The following DOCK11 variants were observed in gnomAD, a reference collection of about 807,000 sequenced individuals.
DOCK11 encodes the protein dedicator of cytokinesis 11.
In DOCK11, 70 loss-of-function variants were observed where a neutral mutation model predicts 169.1. The ratio of observed to expected loss-of-function variants is 0.41; its 90% CI spans 0.34 to 0.51. DOCK11 has a LOEUF of 0.51. DOCK11 is among the 20% of genes least tolerant of loss of function. The pLI, the probability that DOCK11 is intolerant of heterozygous loss-of-function variation, is 0.10. For missense variants in DOCK11, 1,166 were observed against 1,538.8 expected, an observed-to-expected ratio of 0.76 and a Z score of 4.05; for synonymous variants, 529 against 541.3, an observed-to-expected ratio of 0.98 and a Z score of 0.32.
intron 1 of DOCK11, among the ~76,000 whole-genome samples, chrX:118,522,565 A>G (rs1285243716): frequency 5.4e-5 from 6 of 112,002 alleles, no homozygotes; most frequent in Admixed American, 9.4e-5. Flanking sequence ...AGATAGCACA[A>G]TTTGGTTCCT....
intron 6 of DOCK11, among the ~76,000 whole-genome samples, chrX:118,552,034 T>A (rs2012511529): frequency 6.4e-5 from 1 of 15,651 alleles, no homozygotes; most frequent in Non-Finnish European, 1.0e-4. Flanking sequence ...CGACACTCTG[T>A]CTCAAAAAAA....
intron 45 of DOCK11, among the ~76,000 whole-genome samples, chrX:118,669,497 A>G (rs187599509): frequency 9.0e-6 from 1 of 111,684 alleles, no homozygotes; most frequent in Non-Finnish European, 1.9e-5. Context: ...CATAGATGGT[A>G]TCTTCTCACT....
intron 23 of DOCK11, among the ~76,000 whole-genome samples, chrX:118,603,436 G>C (rs903304709): frequency 8.9e-5 from 10 of 112,164 alleles, no homozygotes; most frequent in African/African-American, 3.2e-4. Flanking sequence ...AATTACAGAG[G>C]ACTGCTACTG....
At chrX:118,549,592 C>T (rs976596513) in intron 6 of DOCK11, among the ~76,000 whole-genome samples, 4 of 111,486 alleles carry the variant, frequency 3.6e-5, no homozygotes, top group African/African-American at 6.5e-5. Flanking sequence ...CTCACTGTGT[C>T]GCCCAGGCTG....
intron 28 of DOCK11, among the ~76,000 whole-genome samples, chrX:118,613,821 GTCTC>G (rs757060392): frequency 1.6e-3 from 178 of 111,437 alleles, no homozygotes; most frequent in Non-Finnish European, 2.7e-3. Context: ...GACTCTGCCT[GTCTC>G]TCTCTCTCTC....
chrX:118,648,071 AAT>A lies in DOCK11; in HGVS notation c.4399-866_4399-865del, dbSNP rs1200725269. The stretch of plus-strand genomic sequence containing the variant: ...ATATATAATATATAATATAAATTGT[AAT>A]ATATATAATATAAATTGTAATATTA... On this transcript the variant is annotated intron_variant, in intron 40 of 52. Coordinates refer to ENST00000276202, the MANE Select transcript of DOCK11 (RefSeq NM_144658.4). Among the ~76,000 whole-genome samples, 42 of 64,542 alleles carry A rather than the reference AAT, an allele frequency of 6.5e-4. No homozygotes were observed. The Admixed American group carries it at 0.01, about 16-fold the overall frequency. The allele number at this position is 64,542 out of a possible 115,157, so 56.0% of individuals were successfully genotyped here. A position where few individuals can be genotyped will look rare whatever the true frequency, so the allele number is the denominator to read the frequency against.
intron 30 of DOCK11, among the ~76,000 whole-genome samples, chrX:118,615,979 G>T (rs1171022760): frequency 9.0e-6 from 1 of 111,603 alleles, no homozygotes; most frequent in East Asian, 2.8e-4. Flanking sequence ...TAGTGTTTGG[G>T]ATCTTGTATG....
In DOCK11 at chrX:118,521,286, A is replaced by G. The variant is rs183526456; in HGVS notation, c.103-21439A>G. On this transcript the variant is annotated intron_variant, in intron 1 of 52. Coordinates refer to ENST00000276202, the MANE Select transcript of DOCK11 (RefSeq NM_144658.4). ...GTCCCAGTTTCTTTGTTTATAAAAT[A>G]GGAGTGATGGTGATAATCATACCTA... Among the ~76,000 whole-genome samples, 223 of 112,432 alleles carry G rather than the reference A, an allele frequency of 2.0e-3. 2 individuals are homozygous for G. The highest frequency in any genetic ancestry group is 2.0e-3 in the Non-Finnish European group (108 of 53,301).
At chrX:118,515,139 G>A (rs186358154) in intron 1 of DOCK11, among the ~76,000 whole-genome samples, 6 of 111,995 alleles carry the variant, frequency 5.4e-5, no homozygotes, top group Admixed American at 4.7e-4. Context: ...CAGGTCTCCC[G>A]CTGCCTCTTT....
chrX:118,648,581 AAATATAT>A (rs2015863350), intron 40 of DOCK11, among the ~76,000 whole-genome samples: 2 of 91,610 alleles, frequency 2.2e-5, no homozygotes, highest in Non-Finnish European at 4.3e-5. Context: ...ACATATATAT[AAATATAT>A]AATATATATA....
At position 118,641,139 on chromosome X, in the gene DOCK11, T is replaced by A. The variant is rs781559531; in HGVS notation, c.4145-51T>A. 9 of 924,757 alleles carry A rather than the reference T, an allele frequency of 9.7e-6. No individual in the cohort carries two copies. The Admixed American group carries it at 1.8e-4, about 18-fold the overall frequency. 76.2% of individuals were successfully genotyped at this position (924,757 alleles called of 1,213,427 possible). On this transcript the variant is annotated intron_variant, in intron 38 of 52. Transcript: ENST00000276202. ...TTGGGTAGAAAGTCATTCAACACCATTATGTGCATCTTCGTGTTGGGAAAA... is the reference window on the plus strand; with the variant it reads ...TTGGGTAGAAAGTCATTCAACACCAATATGTGCATCTTCGTGTTGGGAAAA...
At chrX:118,543,827 G>C (rs909102335) in intron 4 of DOCK11, among the ~76,000 whole-genome samples, 1 of 111,626 alleles carries the variant, frequency 9.0e-6, no homozygotes, top group Non-Finnish European at 1.9e-5. Context: ...GCAGGCGCCT[G>C]TAGTCTCAGC....
At chrX:118,505,167 G>C (rs183617877) in intron 1 of DOCK11, among the ~76,000 whole-genome samples, 1 of 111,732 alleles carries the variant, frequency 8.9e-6, no homozygotes, top group East Asian at 2.8e-4. Context: ...GGGACTACAG[G>C]TGTGCACCAC....
At chrX:118,664,053 A>G (rs1380819555) in intron 45 of DOCK11, among the ~76,000 whole-genome samples, 1 of 111,058 alleles carries the variant, frequency 9.0e-6, no homozygotes, top group Non-Finnish European at 1.9e-5. Context: ...TGGGAGATGT[A>G]TTGAAGATAC....
At chrX:118,510,336 A>G (rs2057642505) in intron 1 of DOCK11, among the ~76,000 whole-genome samples, 1 of 112,297 alleles carries the variant, frequency 8.9e-6, no homozygotes, top group African/African-American at 3.2e-5. Flanking sequence ...CCTTTTGCGA[A>G]TTTTGGCTGA....
At chrX:118,612,084 T>C (rs1300695303) in intron 28 of DOCK11, among the ~76,000 whole-genome samples, 1 of 112,287 alleles carries the variant, frequency 8.9e-6, no homozygotes, top group African/African-American at 3.2e-5. Flanking sequence ...ACCTAGTTTT[T>C]ACTTGCCTCT....
chrX:118,617,807 C>T (rs945912250), intron 30 of DOCK11, among the ~76,000 whole-genome samples: 2 of 111,439 alleles, frequency 1.8e-5, no homozygotes, highest in Admixed American at 1.9e-4. Flanking sequence ...TGCTTGAACC[C>T]TGGAGGCAGA....
chrX:118,582,995 C>T (rs1238994792), intron 14 of DOCK11, among the ~76,000 whole-genome samples: 1 of 112,117 alleles, frequency 8.9e-6, no homozygotes, highest in Non-Finnish European at 1.9e-5. Context: ...TTTATTGTGG[C>T]ACTGTTCATA....
At chrX:118,676,450 T>C in intron 47 of DOCK11, 141 bp from the exon 48 acceptor site, 1 of 358,906 alleles carries the variant, frequency 2.8e-6, no homozygotes, top group East Asian at 4.6e-5. Context: ...ATTAAAAGGG[T>C]AAATACAAGC....
Sources: allele counts gnomAD v4.1 joint callset (sites outside exome capture counted in the v4.1 genomes callset), GRCh38; gene constraint gnomAD v4.1.1; transcripts MANE v1.5; gene names NCBI Gene and HGNC (gene_info 2026-07-23, HGNC 2026-07-21).